The following NPC2 variants were observed in gnomAD, a reference collection of about 807,000 sequenced individuals.
The protein encoded by NPC2 is Niemann-Pick disease type C2 protein.
A neutral mutation model predicts 17.0 loss-of-function variants in NPC2; 14 were observed. The ratio of observed to expected loss-of-function variants is 0.82; its 90% CI spans 0.54 to 1.29. NPC2 has a LOEUF of 1.29. NPC2 is among the 50% of genes most tolerant of loss of function. The pLI, the probability that NPC2 is intolerant of heterozygous loss-of-function variation, is 0.00. For missense variants in NPC2, 167 were observed against 183.4 expected, an observed-to-expected ratio of 0.91 and a Z score of 0.52; for synonymous variants, 75 against 69.3, an observed-to-expected ratio of 1.08 and a Z score of -0.41.
intron 2 of NPC2, among the ~76,000 whole-genome samples, 168 bp from the exon 3 acceptor site, chr14:74,484,755 C>CAAAAAAAAAAAAAA (rs71115996): frequency 2.3e-5 from 2 of 85,228 alleles, no homozygotes; most frequent in East Asian, 3.7e-4. Flanking sequence ...CACAATTATG[C>CAAAAAAAAAAAAAA]AAAAAAAAAA....
Position 74,493,066 on chromosome 14 carries a change from G to T in NPC2, c.82+127C>A. 1.7e-6 allele frequency: 2 copies of T among 1,203,124 alleles called. No homozygotes were observed. The highest frequency in any genetic ancestry group is 2.3e-6 in the Non-Finnish European group (2 of 859,734). 74.5% of individuals were successfully genotyped at this position (1,203,124 alleles called of 1,614,324 possible). On this transcript the variant is annotated intron_variant, in intron 1 of 4. Transcript: ENST00000555619. The surrounding 1 kb of genome is among the most constrained non-coding windows in gnomAD (Gnocchi z 4.1). Reference sequence around the variant, plus strand: ...CCCCGACCCAGCCCATTCCAGTTAGGTAGGGTCCAAGGCTCAGCCTGGCCG... The same window carrying T: ...CCCCGACCCAGCCCATTCCAGTTAGTTAGGGTCCAAGGCTCAGCCTGGCCG...
At chr14:74,486,117 C>A (rs945717206) in intron 2 of NPC2, among the ~76,000 whole-genome samples, 2 of 152,130 alleles carry the variant, frequency 1.3e-5, no homozygotes, top group South Asian at 4.1e-4. Context: ...TGGACATCTC[C>A]CTGTTTGCTT....
chr14:74,483,972 C>T (rs1358829390), intron 3 of NPC2, among the ~76,000 whole-genome samples: 1 of 152,078 alleles, frequency 6.6e-6, no homozygotes, highest in Non-Finnish European at 1.5e-5. Context: ...TATCCTCTGT[C>T]ATTATATTCT....
intron 1 of NPC2, among the ~76,000 whole-genome samples, chr14:74,490,238 G>T (rs1030661581): frequency 6.6e-6 from 1 of 152,200 alleles, no homozygotes; most frequent in Non-Finnish European, 1.5e-5. Context: ...CTAAGTAGAT[G>T]TTCTTTGCTG....
chr14:74,481,584 A>C (rs528153463), intron 3 of NPC2, among the ~76,000 whole-genome samples: 5 of 152,356 alleles, frequency 3.3e-5, no homozygotes, highest in Admixed American at 2.0e-4. Flanking sequence ...AGAGTAAAAA[A>C]AATTTAGATT....
chr14:74,492,031 C>T (rs1373714484), intron 1 of NPC2, among the ~76,000 whole-genome samples: 2 of 152,120 alleles, frequency 1.3e-5, no homozygotes, highest in Non-Finnish European at 2.9e-5. Context: ...AGATATTTTG[C>T]AGATCCTGCA....
intron 1 of NPC2, among the ~76,000 whole-genome samples, chr14:74,487,627 A>G (rs1311989431): frequency 1.3e-5 from 2 of 152,200 alleles, no homozygotes; most frequent in Non-Finnish European, 2.9e-5. Context: ...AACTCCGCGG[A>G]GGAAGATCAG....
intron 1 of NPC2, among the ~76,000 whole-genome samples, chr14:74,491,715 A>AAAATCCTGAG (rs1293829200): frequency 3.9e-5 from 6 of 152,218 alleles, no homozygotes; most frequent in Non-Finnish European, 7.3e-5. Flanking sequence ...GAGGAAATTA[A>AAAATCCTGAG]GACAGTGAAA....
At chr14:74,484,281 T>G in intron 3 of NPC2, 134 bp downstream of exon 3, 1 of 935,746 alleles carries the variant, frequency 1.1e-6, no homozygotes, top group Non-Finnish European at 1.7e-6. Context: ...CGCACCTATC[T>G]CCTTTCCCTC....
chr14:74,490,925 T>C (rs188797603), intron 1 of NPC2, among the ~76,000 whole-genome samples: 3 of 152,352 alleles, frequency 2.0e-5, no homozygotes, highest in African/African-American at 7.2e-5. Flanking sequence ...TCTGGATTTA[T>C]TTCCCTTCTT....
rs905499507 is a variant in NPC2 at position 74,480,122 on chromosome 14, G to C, written c.*152C>G. On this transcript the variant is annotated 3_prime_UTR_variant, in exon 5 of 5. Coordinates refer to ENST00000555619, the MANE Select transcript of NPC2 (RefSeq NM_006432.5). Reference sequence around the variant, plus strand: ...ACAACCACTGAGAACCAGCCACCCGGAGCTCAGTTTCTGCTACAGAGCACC... The same window carrying C: ...ACAACCACTGAGAACCAGCCACCCGCAGCTCAGTTTCTGCTACAGAGCACC... 18 of 1,565,418 alleles carry C rather than the reference G, an allele frequency of 1.1e-5. No homozygotes were observed. Among genetic ancestry groups the C allele is most frequent in the Non-Finnish European group, 1.6e-5 (18 of 1,158,806 alleles).
chr14:74,492,094 G>A (rs537993713), intron 1 of NPC2, among the ~76,000 whole-genome samples: 6 of 151,890 alleles, frequency 4.0e-5, no homozygotes, highest in Non-Finnish European at 7.4e-5. Context: ...AACTCACTTC[G>A]ACTCTCCTAT....
intron 1 of NPC2, among the ~76,000 whole-genome samples, chr14:74,491,122 G>C (rs757104171): frequency 1.3e-5 from 2 of 152,048 alleles, no homozygotes; most frequent in Non-Finnish European, 2.9e-5. Context: ...CGCCAGGCTG[G>C]AGTGCAGTGG....
At position 74,480,117 on chromosome 14, in the gene NPC2, A is replaced by G. The variant is rs2086639316; in HGVS notation, c.*157T>C. On this transcript the variant is annotated 3_prime_UTR_variant, in exon 5 of 5. Transcript: ENST00000555619. The stretch of plus-strand genomic sequence containing the variant: ...ATGAGACAACCACTGAGAACCAGCC[A>G]CCCGGAGCTCAGTTTCTGCTACAGA... 6.4e-7 allele frequency: 1 copy of G among 1,559,536 alleles called. No individual in the cohort carries two copies. The highest frequency in any genetic ancestry group is 1.4e-5 in the African/African-American group (1 of 73,462).
Position 74,479,972 on chromosome 14 carries a change from T to C in NPC2, c.*302A>G, listed in dbSNP as rs998210995. The C allele has an allele frequency of 1.5e-5, 20 of 1,345,852 alleles. No individual in the cohort carries two copies. The Admixed American group carries it at 4.6e-4, about 31-fold the overall frequency. The allele number at this position is 1,345,852 out of a possible 1,614,324, so 83.4% of individuals were successfully genotyped here. A position where few individuals can be genotyped will look rare whatever the true frequency, so the allele number is the denominator to read the frequency against. On this transcript the variant is annotated 3_prime_UTR_variant, in exon 5 of 5. Transcript: ENST00000555619. Reference sequence around the variant, plus strand: ...GACAAGACAAACGAGTTTTTATTTATTCAAGAGTAAATTTCCAGGTGTAGA... The same window carrying C: ...GACAAGACAAACGAGTTTTTATTTACTCAAGAGTAAATTTCCAGGTGTAGA...
At chr14:74,483,322 G>C in intron 3 of NPC2, 1 of 1,277,178 alleles carries the variant, frequency 7.8e-7, no homozygotes. Flanking sequence ...TGGAAGATGA[G>C]TGAGTAGTTG....
At chr14:74,486,052 T>C (rs948813204) in intron 2 of NPC2, among the ~76,000 whole-genome samples, 1 of 152,186 alleles carries the variant, frequency 6.6e-6, no homozygotes, top group Non-Finnish European at 1.5e-5. Flanking sequence ...TAGCCTACTA[T>C]GCAATATGGG....
intron 1 of NPC2, among the ~76,000 whole-genome samples, chr14:74,492,407 A>G (rs1238919980): frequency 6.6e-6 from 1 of 152,194 alleles, no homozygotes; most frequent in South Asian, 2.1e-4. Context: ...CTGGAATTCA[A>G]TGATTGATTA....
chr14:74,480,581 A>G, intron 4 of NPC2, 121 bp downstream of exon 4: 2 of 876,722 alleles, frequency 2.3e-6, no homozygotes, highest in Non-Finnish European at 3.9e-6. Flanking sequence ...TTAGAGGTTG[A>G]GAGGCATAAA....
Sources: gnomAD v4.1 joint callset for allele counts (sites outside exome capture counted in the v4.1 genomes callset) on GRCh38, gnomAD v4.1.1 for gene constraint, Gnocchi (gnomAD v3.1) non-coding constraint, MANE v1.5 for transcripts, NCBI Gene and HGNC (gene_info 2026-07-23, HGNC 2026-07-21) for gene names.